GARIN1A: variants seen among roughly 807,000 people sequenced by gnomAD.
GARIN1A encodes the protein golgi associated RAB2 interactor 1A, also known as Golgi-associated RAB2 interactor protein 1A.
the GARIN1A span, among the ~76,000 whole-genome samples, chr7:128,694,187 G>T: frequency 6.8e-6 from 1 of 146,722 alleles, no homozygotes; most frequent in East Asian, 1.9e-4. Flanking sequence ...GTGGTTTGGT[G>T]CTGCACTGTA....
the GARIN1A span, chr7:128,684,553 T>C: frequency 7.0e-6 from 1 of 142,450 alleles, no homozygotes. Context: ...AGGCAGAGCT[T>C]GCAGTGAGCT....
chr7:128,692,518 G>A, the GARIN1A span, among the ~76,000 whole-genome samples: 22 of 152,098 alleles, frequency 1.4e-4, no homozygotes, highest in Non-Finnish European at 2.9e-4. Flanking sequence ...ATTGTTATCC[G>A]GAGTTAATTA....
the GARIN1A span, among the ~76,000 whole-genome samples, chr7:128,681,169 T>C: frequency 6.6e-6 from 1 of 152,240 alleles, no homozygotes; most frequent in East Asian, 1.9e-4. Context: ...ATATAAAAGG[T>C]CCTTTGGTCC....
At chr7:128,703,513 G>T in the GARIN1A span, among the ~76,000 whole-genome samples, 1 of 152,218 alleles carries the variant, frequency 6.6e-6, no homozygotes, top group African/African-American at 2.4e-5. Flanking sequence ...GTACAGGGCA[G>T]GGCACAGTGG....
the GARIN1A span, among the ~76,000 whole-genome samples, chr7:128,689,514 C>T: frequency 7.4e-4 from 110 of 149,254 alleles, no homozygotes; most frequent in Non-Finnish European, 1.1e-3. Context: ...CCCCTCCGCC[C>T]GGCAGCCGCC....
chr7:128,698,555 G>A, the GARIN1A span, among the ~76,000 whole-genome samples: 130 of 152,220 alleles, frequency 8.5e-4, no homozygotes, highest in Non-Finnish European at 1.4e-3. Flanking sequence ...TACCTGTTCT[G>A]TCCATAAAAT....
At chr7:128,685,441 T>C in the GARIN1A span, 1 of 152,230 alleles carries the variant, frequency 6.6e-6, no homozygotes, top group Non-Finnish European at 1.5e-5. Flanking sequence ...CTTTCCAGCA[T>C]GTGTGGTTCA....
chr7:128,703,240 A>G, the GARIN1A span, among the ~76,000 whole-genome samples: 1 of 152,248 alleles, frequency 6.6e-6, no homozygotes, highest in Non-Finnish European at 1.5e-5. Flanking sequence ...AGTACAATGC[A>G]CTTTCTTTTC....
At chr7:128,691,662 TA>T in the GARIN1A span, 2 of 152,268 alleles carry the variant, frequency 1.3e-5, no homozygotes, top group Non-Finnish European at 2.9e-5. Flanking sequence ...ATGCTCATTA[TA>T]ATGCATTAGC....
At chr7:128,700,779 C>CTA in the GARIN1A span, among the ~76,000 whole-genome samples, 7 of 151,852 alleles carry the variant, frequency 4.6e-5, no homozygotes, top group South Asian at 2.1e-4. Flanking sequence ...TCATGACAGC[C>CTA]ATCAAACCTC....
At chr7:128,692,564 C>T in the GARIN1A span, among the ~76,000 whole-genome samples, 3 of 152,104 alleles carry the variant, frequency 2.0e-5, no homozygotes, top group East Asian at 5.8e-4. Context: ...AAAAACAATC[C>T]CCAAGACAAT....
the GARIN1A span, among the ~76,000 whole-genome samples, chr7:128,700,779 C>T: frequency 0.16 from 24,151 of 151,924 alleles, 2,125 homozygotes; most frequent in East Asian, 0.36. Context: ...TCATGACAGC[C>T]ATCAAACCTC....
chr7:128,697,411 G>A, the GARIN1A span: 1 of 152,458 alleles, frequency 6.6e-6, no homozygotes, highest in Non-Finnish European at 1.5e-5. Context: ...GTGGCTGGGC[G>A]GGGTTCTTGG....
the GARIN1A span, chr7:128,684,597 A>G: frequency 1.4e-5 from 2 of 138,772 alleles, no homozygotes; most frequent in East Asian, 4.3e-4. Flanking sequence ...CCTGGGTGAC[A>G]GAGCCAGACT....
the GARIN1A span, among the ~76,000 whole-genome samples, chr7:128,702,245 AAAG>A: frequency 6.6e-6 from 1 of 152,260 alleles, no homozygotes; most frequent in African/African-American, 2.4e-5. Context: ...GAAATGGAAT[AAAG>A]AAGATAAGAC....
chr7:128,697,383 G>A, the GARIN1A span: 2 of 152,378 alleles, frequency 1.3e-5, no homozygotes, highest in African/African-American at 4.8e-5. Flanking sequence ...TGTAAGCAGA[G>A]CGGACAACTC....
the GARIN1A span, among the ~76,000 whole-genome samples, chr7:128,695,158 C>G: frequency 6.6e-6 from 1 of 152,230 alleles, no homozygotes; most frequent in Non-Finnish European, 1.5e-5. The surrounding 1 kb of genome is among the most constrained non-coding windows in gnomAD (Gnocchi z 4.5). Context: ...TGGGTATCTT[C>G]TCTAAGCTCC....
chr7:128,672,631 CT>C, the GARIN1A span: 1 of 204,040 alleles, frequency 4.9e-6, no homozygotes. Context: ...ATGCTGTGGC[CT>C]TTTAAAGCCC....
At chr7:128,706,307 T>C in the GARIN1A span, among the ~76,000 whole-genome samples, 1 of 152,132 alleles carries the variant, frequency 6.6e-6, no homozygotes, top group Non-Finnish European at 1.5e-5. Context: ...CCCGGTTCTT[T>C]AGAGTGGAAG....
Sources: allele counts gnomAD v4.1 joint callset (sites outside exome capture counted in the v4.1 genomes callset), GRCh38; gene constraint gnomAD v4.1.1; non-coding constraint Gnocchi (gnomAD v3.1); transcripts MANE v1.5; gene names NCBI Gene and HGNC (gene_info 2026-07-23, HGNC 2026-07-21).